GREB1: variants seen among roughly 807,000 people sequenced by gnomAD.
The protein encoded by GREB1 is protein GREB1.
Under a neutral mutation model 200.7 loss-of-function variants are expected in GREB1, and 106 were observed. That is an observed-to-expected ratio of 0.53 (90% CI 0.45 to 0.62). The LOEUF (loss-of-function observed/expected upper bound fraction) is 0.62. Among genes scored for constraint, GREB1 ranks in the 20% least tolerant of loss-of-function variants. The pLI, the probability that GREB1 is intolerant of heterozygous loss-of-function variation, is 0.00. For missense variants in GREB1, 2,243 were observed against 2,556.8 expected (o/e 0.88, Z 2.65); for synonymous variants, 1,132 against 1,092.4 (o/e 1.04, Z -0.72).
intron 2 of GREB1, 79 bp downstream of exon 2, chr2:11,556,850 TTTTC>T: frequency 6.4e-6 from 7 of 1,086,850 alleles, no homozygotes; most frequent in Non-Finnish European, 8.9e-6. Flanking sequence ...CTTGAAACTC[TTTTC>T]TTTATGTAGA....
At chr2:11,588,295 C>T (rs879760846) in intron 9 of GREB1, 53 of 1,089,190 alleles carry the variant, frequency 4.9e-5, no homozygotes, top group Non-Finnish European at 5.2e-5. Context: ...CTCACCTTGC[C>T]AGACAGCCCT....
chr2:11,564,120 T>C (rs540965608), intron 3 of GREB1, among the ~76,000 whole-genome samples: 12 of 152,158 alleles, frequency 7.9e-5, no homozygotes, highest in African/African-American at 2.9e-4. Context: ...TACAGCTCAT[T>C]TGGAGGAACT....
chr2:11,614,125 A>T (rs75733860), intron 19 of GREB1, among the ~76,000 whole-genome samples: 1,137 of 99,494 alleles, frequency 0.011, 51 homozygotes, highest in Admixed American at 0.024. Flanking sequence ...GCGGACTTAG[A>T]TTTTTTTTTT....
intron 1 of GREB1, among the ~76,000 whole-genome samples, chr2:11,524,142 A>G (rs1466339748): frequency 6.6e-6 from 1 of 152,218 alleles, no homozygotes; most frequent in Non-Finnish European, 1.5e-5. Context: ...AAACACTTCA[A>G]TATAAAATTC....
chr2:11,592,202 TTAAC>T (rs796478279), intron 10 of GREB1: 12,530 of 341,510 alleles, frequency 0.037, 1,124 homozygotes, highest in African/African-American at 0.28. Flanking sequence ...TTTTTTTTTT[TTAAC>T]AACAGCAGTG....
rs1353886392 is a variant in GREB1, at chr2:11,633,566, AAAAAAAAAAAGAAAG to A, written c.4991+511_4991+525del. Reference sequence around the variant, plus strand: ...CAGACAGAGCGAGACTCCGTCTAAAAAAAAAAAAAAGAAAGAAAAAAATTGTTATTGAAGTATAAT... The same window carrying A: ...CAGACAGAGCGAGACTCCGTCTAAAAAAAAAAATTGTTATTGAAGTATAAT... On this transcript the variant is annotated intron_variant, in intron 28 of 32. Coordinates refer to ENST00000381486, the MANE Select transcript of GREB1 (RefSeq NM_014668.4). This position sits in a 1 kb window ranked among gnomAD's most constrained non-coding sequence, Gnocchi z 4.1. 6.6e-6 allele frequency among the ~76,000 whole-genome samples: 1 copy of A among 151,886 alleles called. No individual in the cohort carries two copies. The highest frequency in any genetic ancestry group is 6.6e-5 in the Admixed American group (1 of 15,262).
At chr2:11,600,007 G>A (rs1225840820) in intron 15 of GREB1, among the ~76,000 whole-genome samples, 2 of 152,240 alleles carry the variant, frequency 1.3e-5, no homozygotes, top group Admixed American at 1.3e-4. Flanking sequence ...GATGAGGAAG[G>A]AGGGGGCTCC....
intron 2 of GREB1, among the ~76,000 whole-genome samples, chr2:11,559,174 A>G (rs1037056367): frequency 2.0e-5 from 3 of 152,192 alleles, no homozygotes; most frequent in African/African-American, 4.8e-5. Flanking sequence ...GCGGCGCTCC[A>G]GGCCCCTGAG....
At position 11,556,540 on chromosome 2, in the gene GREB1, C is replaced by A; in HGVS notation, c.-75C>A. On this transcript the variant is annotated 5_prime_UTR_variant, in exon 2 of 33. Coordinates refer to ENST00000381486, the MANE Select transcript of GREB1 (RefSeq NM_014668.4). ...TTCCTCCTTGCAGCTGTTTCACCTT[C>A]TACCTTGCGTGGAGCCAGGCTTTTG... The A allele has an allele frequency of 1.6e-6, 2 of 1,266,338 alleles. No individual in the cohort carries two copies. Among genetic ancestry groups the A allele is most frequent in the Non-Finnish European group, 2.2e-6 (2 of 898,804 alleles). The allele number at this position is 1,266,338 out of a possible 1,614,324, so 78.4% of individuals were successfully genotyped here.
At chr2:11,624,853 G>A (rs961653979) in intron 23 of GREB1, among the ~76,000 whole-genome samples, 2 of 152,010 alleles carry the variant, frequency 1.3e-5, no homozygotes, top group Non-Finnish European at 2.9e-5. Context: ...TATCATTAGT[G>A]TTAGTGTATT....
chr2:11,622,722 G>C (rs1161886291), intron 23 of GREB1, among the ~76,000 whole-genome samples: 1 of 152,218 alleles, frequency 6.6e-6, no homozygotes, highest in Non-Finnish European at 1.5e-5. Flanking sequence ...TTTAGATAGA[G>C]GCAAGAAAGG....
At chr2:11,553,760 C>T (rs746508905) in intron 1 of GREB1, among the ~76,000 whole-genome samples, 5 of 152,096 alleles carry the variant, frequency 3.3e-5, no homozygotes, top group Admixed American at 6.5e-5. Flanking sequence ...TTTATTGCCC[C>T]GTCTACATCA....
intron 6 of GREB1, among the ~76,000 whole-genome samples, chr2:11,578,988 G>T (rs549773670): frequency 5.3e-5 from 8 of 152,322 alleles, no homozygotes; most frequent in Admixed American, 5.2e-4. Context: ...GAACCCTGAC[G>T]TACATGCTTG....
intron 31 of GREB1, among the ~76,000 whole-genome samples, chr2:11,638,460 A>G (rs899015954): frequency 6.6e-6 from 1 of 152,210 alleles, no homozygotes; most frequent in Non-Finnish European, 1.5e-5. Flanking sequence ...TGATTCTCAG[A>G]TGAACTCATG....
chr2:11,497,971 CTTTTTTTTT>C (rs70955803), intron 1 of GREB1, among the ~76,000 whole-genome samples: 3 of 40,626 alleles, frequency 7.4e-5, no homozygotes, highest in African/African-American at 2.7e-4. Context: ...CAGAGCAAAA[CTTTTTTTTT>C]TTTTTTTTTT....
intron 1 of GREB1, among the ~76,000 whole-genome samples, chr2:11,500,423 T>C (rs769974188): frequency 6.3e-4 from 95 of 151,572 alleles, no homozygotes; most frequent in South Asian, 4.0e-3. Context: ...ACTCCCAAAG[T>C]GCTGGGATTA....
intron 30 of GREB1, among the ~76,000 whole-genome samples, chr2:11,635,891 G>A (rs192258987): frequency 1.2e-4 from 19 of 152,326 alleles, no homozygotes; most frequent in African/African-American, 4.6e-4. Context: ...AGTCTTGATA[G>A]CTCTGTGTCT....
rs111645155 is a variant in GREB1 at position 11,602,356 on chromosome 2, C to T, written c.2530-50C>T. On this transcript the variant is annotated intron_variant, in intron 16 of 32. Coordinates refer to ENST00000381486, the MANE Select transcript of GREB1 (RefSeq NM_014668.4). ...CAGGCCTGGCACACGAACCTCTGACCGTCCCTGCGAATGCAGTGTTGGAGT... is the reference window on the plus strand; with the variant it reads ...CAGGCCTGGCACACGAACCTCTGACTGTCCCTGCGAATGCAGTGTTGGAGT... The T allele has an allele frequency of 3.7e-3, 5,870 of 1,574,492 alleles. 195 individuals carry two copies. The African/African-American group carries it at 0.069, about 19-fold the overall frequency.
At position 11,618,435 on chromosome 2, in the gene GREB1, C is replaced by G; in HGVS notation, c.3560C>G (p.Ser1187Trp). 1 of 1,606,128 alleles carries G rather than the reference C, an allele frequency of 6.2e-7. No homozygotes were observed. The highest frequency in any genetic ancestry group is 8.5e-7 in the Non-Finnish European group (1 of 1,176,940). Residue 1187 changes from serine to tryptophan, a missense_variant, in exon 22 of 33, where the codon TCG (serine) becomes TGG (tryptophan). By Grantham distance (177) the Ser-to-Trp change is radical. This residue lies in a region of GREB1 where 587 missense variants were observed against 553.1 expected (regional missense o/e 1.06). Coordinates refer to ENST00000381486, the MANE Select transcript of GREB1 (RefSeq NM_014668.4). The stretch of plus-strand genomic sequence containing the variant: ...CCCCGGGCAAGTCAGGGGCCACCCT[C>G]GGCCATCAGCAGGCACAGTCCCGGG... ...QRPRASQGPP[S>W]AISRHSPGPT...
Sources: gnomAD v4.1 joint callset for allele counts (sites outside exome capture counted in the v4.1 genomes callset) on GRCh38, gnomAD v4.1.1 for gene constraint, gnomAD v4.1.1 regional missense constraint, Gnocchi (gnomAD v3.1) non-coding constraint, MANE v1.5 for transcripts, NCBI Gene and HGNC (gene_info 2026-07-23, HGNC 2026-07-21) for gene names.